CROCC: variants seen among roughly 807,000 people sequenced by gnomAD.
CROCC encodes the protein ciliary rootlet coiled-coil, rootletin.
In CROCC, 180 loss-of-function variants were observed where a neutral mutation model predicts 245.2. The ratio of observed to expected loss-of-function variants is 0.73; its 90% CI spans 0.65 to 0.83. The LOEUF is 0.83. Ranked by LOEUF, CROCC falls within the 40% of genes least tolerant of loss-of-function variation. The probability of loss-of-function intolerance (pLI) is 0.00; values close to 1 mark genes in which losing one functional copy is unlikely to be tolerated. For missense variants in CROCC, 2,688 were observed against 2,779.4 expected (o/e 0.97, Z 0.74); for synonymous variants, 1,205 against 1,241.6 (o/e 0.97, Z 0.62).
Position 16,966,102 on chromosome 1 carries a change from T to C in CROCC, c.4679T>C (p.Val1560Ala), listed in dbSNP as rs373779619. Residue 1560 changes from valine to alanine, a missense_variant, in exon 29 of 37, where the codon GTG becomes GCG. Physicochemically the swap from Val to Ala is moderately conservative, Grantham distance 64. Transcript: ENST00000375541. This position sits in a 1 kb window ranked among gnomAD's most constrained non-coding sequence, Gnocchi z 4.8. The stretch of plus-strand genomic sequence containing the variant: ...AGGGCCAGGCAGCTGCAGAAGGCGG[T>C]GGCTGAGAGTGAGGAAGGTGAGTCT... The part of the protein sequence containing the change: ...TSRARQLQKA[V>A]AESEEARRSV... The C allele has an allele frequency of 7.4e-6, 12 of 1,612,160 alleles. No homozygotes were observed. Among genetic ancestry groups the C allele is most frequent in the East Asian group, 6.7e-5 (3 of 44,788 alleles).
chr1:16,944,408 G>A (rs1229095695), intron 14 of CROCC, 126 bp downstream of exon 14: 4 of 1,112,530 alleles, frequency 3.6e-6, no homozygotes, highest in Non-Finnish European at 4.8e-6. Flanking sequence ...CCCCTCCGAT[G>A]TCGGGTTTTC....
chr1:16,914,811 C>A (rs1335052421), intron 1 of CROCC, among the ~76,000 whole-genome samples: 2 of 152,274 alleles, frequency 1.3e-5, no homozygotes, highest in Non-Finnish European at 2.9e-5. Context: ...GGATGTCTGC[C>A]CCTCTGGTGA....
At chr1:16,955,785 G>T (rs1275513228) in intron 24 of CROCC, among the ~76,000 whole-genome samples, 2 of 152,172 alleles carry the variant, frequency 1.3e-5, no homozygotes, top group Non-Finnish European at 2.9e-5. Context: ...TCATCACCCT[G>T]GAAACCAGGT....
intron 14 of CROCC, 111 bp downstream of exon 14, chr1:16,944,393 C>G: frequency 1.7e-6 from 2 of 1,201,072 alleles, no homozygotes; most frequent in South Asian, 4.3e-5. Flanking sequence ...CTCCTACCGT[C>G]TGGACCCCTC....
rs762491757 is a variant in CROCC, at chr1:16,968,395, C to G, written c.5053C>G (p.Arg1685Gly). The change falls in exon 31 of 37, where the codon CGG becomes GGG. Residue 1685 changes from arginine to glycine, a missense_variant. Arg to Gly is a moderately radical substitution (Grantham distance 125). Around this residue, in one of 9 missense-constraint regions of CROCC, gnomAD observed 1,218 missense variants for 1,286.3 expected, o/e 0.95. Transcript: ENST00000375541. Reference sequence around the variant, plus strand: ...GGCCCAAGCCCAGGCCCTCCAGGATCGGGTGGATTCCCTGCAGAGACAGGT... The same window carrying G: ...GGCCCAAGCCCAGGCCCTCCAGGATGGGGTGGATTCCCTGCAGAGACAGGT... ...REAQAQALQD[R>G]VDSLQRQVAD... is the part of the protein sequence containing the mutation. The G allele has an allele frequency of 6.7e-7, 1 of 1,496,698 alleles. No individual in the cohort carries two copies. Among genetic ancestry groups the G allele is most frequent in the African/African-American group, 1.4e-5 (1 of 70,688 alleles). 92.7% of individuals were successfully genotyped at this position (1,496,698 alleles called of 1,614,324 possible).
Position 16,970,298 on chromosome 1 carries a change from G to A in CROCC, c.5497G>A (p.Val1833Ile), listed in dbSNP as rs79559162. 558 of 1,584,054 alleles carry A rather than the reference G, an allele frequency of 3.5e-4. 1 individual carries two copies. The African/African-American group carries it at 6.4e-3, about 18-fold the overall frequency. The change falls in exon 34 of 37, where the codon GTC (valine) becomes ATC (isoleucine). Residue 1833 changes from valine (V) to isoleucine (I), a missense_variant. Coordinates refer to ENST00000375541, the MANE Select transcript of CROCC (RefSeq NM_014675.5). ...QEGEAAALNT[V>I]QKLQDERRLL... ...GGGTGAGGCTGCAGCCCTGAACACCGTCCAGAAGCTGCAAGACGAGCGGCG... is the reference window on the plus strand; with the variant it reads ...GGGTGAGGCTGCAGCCCTGAACACCATCCAGAAGCTGCAAGACGAGCGGCG...
At chr1:16,952,483 TAAA>T (rs71006404) in intron 20 of CROCC, among the ~76,000 whole-genome samples, 3 of 135,730 alleles carry the variant, frequency 2.2e-5, no homozygotes, top group Admixed American at 7.4e-5. Context: ...AGACTCCGTC[TAAA>T]AAAAAAAAAA....
At chr1:16,931,695 G>A (rs1285716857) in intron 8 of CROCC, among the ~76,000 whole-genome samples, 8 of 152,278 alleles carry the variant, frequency 5.3e-5, no homozygotes, top group African/African-American at 1.4e-4. Flanking sequence ...GCGCAGAGAG[G>A]TTGAGTGATC....
At chr1:16,970,581 G>A (rs1489158628) in intron 34 of CROCC, 55 bp from the exon 35 acceptor site, 5 of 1,488,672 alleles carry the variant, frequency 3.4e-6, no homozygotes, top group Non-Finnish European at 4.5e-6. Context: ...AGGAACCTGA[G>A]CCCCCTCAGT....
At chr1:16,930,073 A>G in intron 4 of CROCC, 42 bp downstream of exon 4, 3 of 1,568,292 alleles carry the variant, frequency 1.9e-6, no homozygotes, top group Non-Finnish European at 2.6e-6. Flanking sequence ...CCACCTGTTC[A>G]CTTTGCCCCG....
upstream of CROCC, among the ~76,000 whole-genome samples, chr1:16,917,125 AAAC>A (rs1557563328): frequency 6.6e-6 from 1 of 152,264 alleles, no homozygotes; most frequent in Admixed American, 6.5e-5. Flanking sequence ...CTCAAAAACA[AAAC>A]AAAACAAAAA....
chr1:16,934,376 A>G (rs1261379204), intron 8 of CROCC, among the ~76,000 whole-genome samples: 2 of 152,090 alleles, frequency 1.3e-5, no homozygotes, highest in Non-Finnish European at 2.9e-5. Context: ...CACAACTCAC[A>G]TTAGGCTTGA....
intron 8 of CROCC, among the ~76,000 whole-genome samples, chr1:16,936,046 G>T (rs2075780911): frequency 6.6e-6 from 1 of 152,320 alleles, no homozygotes; most frequent in African/African-American, 2.4e-5. Context: ...GCCCCTCCTT[G>T]TGTATTATGT....
chr1:16,938,965 G>C lies in CROCC; in HGVS notation c.1431G>C (p.Ala477=). 6.2e-7 allele frequency: 1 copy of C among 1,605,226 alleles called. No homozygotes were observed. The highest frequency in any genetic ancestry group is 8.5e-7 in the Non-Finnish European group (1 of 1,177,496). Residue 477 remains alanine, a synonymous_variant, in exon 12 of 37, where the codon GCG becomes GCC. Transcript: ENST00000375541. ...GVQLSGSERT[A]DASNGSLRGL... The stretch of plus-strand genomic sequence containing the variant: ...AGCTGAGCGGCTCTGAGCGCACCGC[G>C]GATGCTTCCAACGGCAGCCTGCGGG...
chr1:16,970,071 T>C, intron 33 of CROCC, 137 bp downstream of exon 33: 1 of 1,264,410 alleles, frequency 7.9e-7, no homozygotes. Context: ...ATTCAGAGCA[T>C]AGTCCTGTTA....
At chr1:16,962,952 C>T (rs969705729) in intron 27 of CROCC, among the ~76,000 whole-genome samples, 3 of 149,924 alleles carry the variant, frequency 2.0e-5, no homozygotes, top group South Asian at 2.2e-4. Context: ...GAGGCCGGAG[C>T]GGGTGGATCA....
At position 16,946,863 on chromosome 1, in the gene CROCC, G is replaced by A. The variant is rs1235070682; in HGVS notation, c.2386G>A (p.Glu796Lys). Reference protein sequence around the residue: ...EQERLEELRLEQEVARQGLEG... With the variant: ...EQERLEELRLKQEVARQGLEG... ...GGAACGGCTAGAGGAGCTGCGGTTG[G>A]AGCAGGAGGTGGCGCGGCAGGGCCT... The change falls in exon 17 of 37, where the codon GAG (glutamate) becomes AAG (lysine). Residue 796 changes from glutamate (E) to lysine (K), a missense_variant. Coordinates refer to ENST00000375541, the MANE Select transcript of CROCC (RefSeq NM_014675.5). The A allele has an allele frequency of 2.1e-5, 33 of 1,557,510 alleles. No homozygotes were observed. The highest frequency in any genetic ancestry group is 2.8e-5 in the Non-Finnish European group (32 of 1,150,656).
chr1:16,940,758 GCT>G (rs1210262504), intron 13 of CROCC: 1 of 273,296 alleles, frequency 3.7e-6, no homozygotes, highest in Non-Finnish European at 7.4e-6. Context: ...TCACACTCTT[GCT>G]CTGTTTCCCA....
At chr1:16,941,889 A>G (rs1206329878) in intron 13 of CROCC, among the ~76,000 whole-genome samples, 2 of 152,218 alleles carry the variant, frequency 1.3e-5, no homozygotes, top group Admixed American at 6.5e-5. Flanking sequence ...TTTTTTAGAG[A>G]TGGGGTCTTG....
Sources: allele counts gnomAD v4.1 joint callset (sites outside exome capture counted in the v4.1 genomes callset), GRCh38; gene constraint gnomAD v4.1.1; regional missense constraint gnomAD v4.1.1; non-coding constraint Gnocchi (gnomAD v3.1); transcripts MANE v1.5; gene names NCBI Gene and HGNC (gene_info 2026-07-23, HGNC 2026-07-21).